Variants in KIAA1217 observed in about 807,000 individuals in gnomAD.
The protein encoded by KIAA1217 is sickle tail protein homolog.
In KIAA1217, 88 loss-of-function variants were observed where a neutral mutation model predicts 163.9. The ratio of observed to expected loss-of-function variants is 0.54; its 90% CI spans 0.45 to 0.64. KIAA1217 has a LOEUF of 0.64. Ranked by LOEUF, KIAA1217 falls within the 30% of genes least tolerant of loss-of-function variation. The pLI is 0.00. For missense variants in KIAA1217, 2,372 were observed against 2,475.0 expected (o/e 0.96, Z 0.88); for synonymous variants, 903 against 923.1 (o/e 0.98, Z 0.39).
chr10:24,374,576 C>G (rs897629772), intron 2 of KIAA1217, among the ~76,000 whole-genome samples: 12 of 152,202 alleles, frequency 7.9e-5, no homozygotes, highest in African/African-American at 2.9e-4. Flanking sequence ...GTTCTCTTCT[C>G]CATTTGTGTT....
intron 2 of KIAA1217, among the ~76,000 whole-genome samples, chr10:24,271,026 A>G (rs188870091): frequency 6.6e-6 from 1 of 152,358 alleles, no homozygotes. Flanking sequence ...TCAAGTCATT[A>G]TGGAGAAAAT....
At chr10:24,534,847 C>T (rs926279876) in intron 16 of KIAA1217, among the ~76,000 whole-genome samples, 2 of 137,618 alleles carry the variant, frequency 1.5e-5, no homozygotes, top group Non-Finnish European at 3.0e-5. Context: ...CACCACTGCA[C>T]TTCAGCCTGG....
chr10:24,290,221 T>C (rs2078958860), intron 2 of KIAA1217, among the ~76,000 whole-genome samples: 1 of 152,032 alleles, frequency 6.6e-6, no homozygotes, highest in South Asian at 2.1e-4. Flanking sequence ...AGAGTGGAAG[T>C]AGAACTCCCA....
intron 1 of KIAA1217, among the ~76,000 whole-genome samples, chr10:23,720,140 C>A (rs1216010179): frequency 1.3e-5 from 2 of 151,328 alleles, no homozygotes; most frequent in African/African-American, 2.4e-5. Flanking sequence ...GTACTAAATG[C>A]CACTGAATTG....
chr10:23,704,172 G>GTGTGTGTA (rs1229370789), intron 1 of KIAA1217, among the ~76,000 whole-genome samples: 90 of 39,930 alleles, frequency 2.3e-3, no homozygotes, highest in African/African-American at 3.2e-3. Context: ...GTGTGTGTGT[G>GTGTGTGTA]TATATATATA....
intron 3 of KIAA1217, among the ~76,000 whole-genome samples, chr10:24,419,097 A>G (rs2058513683): frequency 6.6e-6 from 1 of 151,252 alleles, no homozygotes; most frequent in South Asian, 2.1e-4. Context: ...GAATCGCTTG[A>G]ACCCAGGAGG....
chr10:24,090,237 G>T (rs1301685788), intron 2 of KIAA1217, among the ~76,000 whole-genome samples: 1 of 142,592 alleles, frequency 7.0e-6, no homozygotes, highest in African/African-American at 2.7e-5. Flanking sequence ...CATGATCGTG[G>T]CTCACTGCAG....
chr10:24,191,571 A>G (rs1363642703), intron 2 of KIAA1217, among the ~76,000 whole-genome samples: 3 of 151,610 alleles, frequency 2.0e-5, no homozygotes, highest in Admixed American at 1.3e-4. Flanking sequence ...ATATATATAT[A>G]CCTATTCTGT....
intron 1 of KIAA1217, among the ~76,000 whole-genome samples, chr10:23,714,979 G>T (rs184578608): frequency 6.6e-6 from 1 of 152,146 alleles, no homozygotes; most frequent in Non-Finnish European, 1.5e-5. Context: ...AGACAAGAAC[G>T]CTATGTGCAT....
intron 1 of KIAA1217, among the ~76,000 whole-genome samples, chr10:23,880,801 T>G (rs1195506006): frequency 6.9e-6 from 1 of 145,328 alleles, no homozygotes; most frequent in South Asian, 2.1e-4. Context: ...AATGAGTAAA[T>G]GGATGGGGAA....
chr10:24,247,535 G>A (rs2073961721), intron 2 of KIAA1217, among the ~76,000 whole-genome samples: 1 of 152,206 alleles, frequency 6.6e-6, no homozygotes, highest in Admixed American at 6.5e-5. Flanking sequence ...GGTGGCTCAC[G>A]CTTGTAATCC....
Position 24,212,111 on chromosome 10 carries a change from A to AGG in KIAA1217, c.70+2849_70+2850dup, listed in dbSNP as rs2068215373. On this transcript the variant is annotated intron_variant, in intron 1 of 20. Coordinates refer to ENST00000376454, the MANE Select transcript of KIAA1217 (RefSeq NM_019590.5). ...GAAAAAAGAAAAAAAAAGAAGAGAG[A>AGG]GGAGGGGAGGAGAGGAGAGGAAAAA... Among the ~76,000 whole-genome samples the AGG allele has an allele frequency of 5.3e-5, 8 of 151,886 alleles. No individual in the cohort carries two copies. In the South Asian group the frequency reaches 1.7e-3, roughly 32 times the overall value.
At chr10:23,763,489 C>T (rs960009310) in intron 1 of KIAA1217, among the ~76,000 whole-genome samples, 2 of 152,104 alleles carry the variant, frequency 1.3e-5, no homozygotes, top group African/African-American at 4.8e-5. Context: ...CTTCGATAAA[C>T]CCCACAAAAA....
chr10:24,121,650 C>T (rs754887660), intron 2 of KIAA1217, among the ~76,000 whole-genome samples: 1 of 152,012 alleles, frequency 6.6e-6, no homozygotes, highest in Non-Finnish European at 1.5e-5. Context: ...TAGTATACGA[C>T]AAATAGAGGT....
At chr10:24,369,380 C>A (rs2051252046) in intron 2 of KIAA1217, among the ~76,000 whole-genome samples, 1 of 152,078 alleles carries the variant, frequency 6.6e-6, no homozygotes, top group Admixed American at 6.5e-5. Flanking sequence ...CCCCAGGAAC[C>A]CACAAGAGTC....
At chr10:24,135,674 C>T (rs2063805698) in intron 2 of KIAA1217, among the ~76,000 whole-genome samples, 1 of 151,984 alleles carries the variant, frequency 6.6e-6, no homozygotes, top group South Asian at 2.1e-4. Flanking sequence ...AGGGGTGGGA[C>T]ATTCAAGTTA....
chr10:24,090,332 C>CTTTTTTTTTTTTTT (rs35966270), intron 2 of KIAA1217, among the ~76,000 whole-genome samples: 3 of 58,936 alleles, frequency 5.1e-5, no homozygotes, highest in African/African-American at 2.3e-4. Context: ...ACATCCTGCT[C>CTTTTTTTTTTTTTT]TTTTTTTTTT....
intron 6 of KIAA1217, among the ~76,000 whole-genome samples, chr10:24,490,357 C>T (rs2065955377): frequency 6.6e-6 from 1 of 152,202 alleles, no homozygotes; most frequent in South Asian, 2.1e-4. Flanking sequence ...ATTGCCACTG[C>T]AATAAAATGA....
intron 1 of KIAA1217, among the ~76,000 whole-genome samples, chr10:23,811,542 T>C (rs535496832): frequency 6.6e-6 from 1 of 152,134 alleles, no homozygotes; most frequent in African/African-American, 2.4e-5. Flanking sequence ...TTAGACTTTT[T>C]TAAAAATGCA....
Sources: allele counts gnomAD v4.1 joint callset (sites outside exome capture counted in the v4.1 genomes callset), GRCh38; gene constraint gnomAD v4.1.1; transcripts MANE v1.5; gene names NCBI Gene and HGNC (gene_info 2026-07-23, HGNC 2026-07-21).